Variants in CDH2 observed in about 807,000 individuals in gnomAD.
The protein encoded by CDH2 is cadherin-2.
Under a neutral mutation model 92.0 loss-of-function variants are expected in CDH2, and 17 were observed. The observed-to-expected ratio is 0.18, with a 90% CI of 0.13 to 0.28. The LOEUF (loss-of-function observed/expected upper bound fraction) is 0.28. Ranked by LOEUF, CDH2 falls within the 10% of genes least tolerant of loss-of-function variation. CDH2 has a pLI of 1.00. For synonymous variants in CDH2, 419 were observed against 415.9 expected, an observed-to-expected ratio of 1.01 and a Z score of -0.09; for missense variants, 862 against 1,133.1, an observed-to-expected ratio of 0.76 and a Z score of 3.44.
chr18:28,020,791 C>T (rs557247571), intron 2 of CDH2, among the ~76,000 whole-genome samples: 13 of 151,908 alleles, frequency 8.6e-5, no homozygotes, highest in African/African-American at 2.9e-4. Context: ...AAGAATGAAC[C>T]GTATTGCAAA....
intron 5 of CDH2, among the ~76,000 whole-genome samples, chr18:28,008,555 T>G (rs1233137768): frequency 6.6e-6 from 1 of 152,070 alleles, no homozygotes; most frequent in Non-Finnish European, 1.5e-5. Flanking sequence ...TGAGAACACT[T>G]AGACACAGGG....
intron 2 of CDH2, among the ~76,000 whole-genome samples, chr18:28,085,690 C>G (rs554214210): frequency 6.6e-6 from 1 of 152,228 alleles, no homozygotes; most frequent in South Asian, 2.1e-4. Flanking sequence ...AGTCACACAT[C>G]GGATGGAAAT....
At chr18:28,149,269 G>A (rs2016085281) in intron 1 of CDH2, among the ~76,000 whole-genome samples, 1 of 152,138 alleles carries the variant, frequency 6.6e-6, no homozygotes, top group Non-Finnish European at 1.5e-5. Flanking sequence ...CAGAGATTCT[G>A]TACATGTCCA....
chr18:27,970,682 CAA>C, intron 14 of CDH2, among the ~76,000 whole-genome samples: 1 of 152,168 alleles, frequency 6.6e-6, no homozygotes, highest in Admixed American at 6.5e-5. Flanking sequence ...AACTTTTAGA[CAA>C]AAAAGCCAAT....
At position 27,957,348 on chromosome 18, in the gene CDH2, C is replaced by A. The variant is rs182515138; in HGVS notation, c.2515-4989G>T. 1.6e-4 allele frequency among the ~76,000 whole-genome samples: 25 copies of A among 152,182 alleles called. No individual in the cohort carries two copies. The East Asian group carries it at 4.1e-3, about 25-fold the overall frequency. ...ACTGCAGCCTTGACCTTCCTGGGCTCAGGTGATCCTCCCACCTCAGCCTCC... is the reference window on the plus strand; with the variant it reads ...ACTGCAGCCTTGACCTTCCTGGGCTAAGGTGATCCTCCCACCTCAGCCTCC... On this transcript the variant is annotated intron_variant, in intron 15 of 15. Transcript: ENST00000269141.
rs79146943 is a variant in CDH2, at chr18:28,017,379, T to C, written c.173-3470A>G. On this transcript the variant is annotated intron_variant, in intron 2 of 15. Coordinates refer to ENST00000269141, the MANE Select transcript of CDH2 (RefSeq NM_001792.5). ...TCCAGGAATTTATCCGTCTCCTGTA[T>C]ATTTCATTGTTTAAGCATGTAAAGG... is the stretch of plus-strand genomic sequence containing the variant. 1.5e-3 allele frequency among the ~76,000 whole-genome samples: 233 copies of C among 152,236 alleles called. 3 individuals are homozygous for C. The highest frequency in any genetic ancestry group is 5.3e-3 in the African/African-American group (221 of 41,564).
At chr18:28,123,430 A>T (rs1469887775) in intron 2 of CDH2, among the ~76,000 whole-genome samples, 1 of 152,190 alleles carries the variant, frequency 6.6e-6, no homozygotes, top group Non-Finnish European at 1.5e-5. Flanking sequence ...TAAGTCACAG[A>T]TATTAACTGA....
intron 6 of CDH2, among the ~76,000 whole-genome samples, chr18:27,942,519 G>A (rs1379681101): frequency 5.3e-5 from 8 of 152,186 alleles, no homozygotes; most frequent in Admixed American, 4.6e-4. Context: ...ATACCAGTCT[G>A]TACCTCTGGC....
chr18:27,988,633 T>C lies in CDH2; in HGVS notation c.1632A>G (p.Leu544=). 6.2e-7 allele frequency: 1 copy of C among 1,608,238 alleles called. No individual in the cohort carries two copies. The highest frequency in any genetic ancestry group is 8.5e-7 in the Non-Finnish European group (1 of 1,174,798). The change falls in exon 11 of 16, where the codon CTA becomes CTG. Residue 544 remains leucine, a synonymous_variant. Coordinates refer to ENST00000269141, the MANE Select transcript of CDH2 (RefSeq NM_001792.5). ...TTTGTCCATTCACAGGATCTATTTTTAGCCAATTGGCAGGATCAGATAATT... is the reference window on the plus strand; with the variant it reads ...TTTGTCCATTCACAGGATCTATTTTCAGCCAATTGGCAGGATCAGATAATT... ...YTKLSDPANW[L]KIDPVNGQIT...
rs796698208 is a variant in CDH2, at chr18:27,955,380, A to G, written c.2515-3021T>C. Among the ~76,000 whole-genome samples the G allele has an allele frequency of 3.3e-3, 309 of 92,654 alleles. 3 individuals are homozygous for G. The highest frequency in any genetic ancestry group is 8.9e-3 in the African/African-American group (294 of 32,944). The allele number at this position is 92,654 out of a possible 152,430, so 60.8% of individuals were successfully genotyped here. A position where few individuals can be genotyped will look rare whatever the true frequency, so the allele number is the denominator to read the frequency against. The stretch of plus-strand genomic sequence containing the variant: ...TTAAAGTATAATAGTAAAAAAAAAA[A>G]AAAAAGAAAAAGAAAGAAAAAGAGA... On this transcript the variant is annotated intron_variant, in intron 15 of 15. Coordinates refer to ENST00000269141, the MANE Select transcript of CDH2 (RefSeq NM_001792.5).
At chr18:27,944,666 AT>A (rs1909224180) in intron 6 of CDH2, among the ~76,000 whole-genome samples, 1 of 150,146 alleles carries the variant, frequency 6.7e-6, no homozygotes, top group Non-Finnish European at 1.5e-5. Context: ...GTTGCATGTA[AT>A]CCCAGTGATT....
At chr18:27,977,917 C>G (rs2011905081) in intron 14 of CDH2, among the ~76,000 whole-genome samples, 1 of 152,154 alleles carries the variant, frequency 6.6e-6, no homozygotes, top group African/African-American at 2.4e-5. Flanking sequence ...GTCCAGAACA[C>G]AGCATGGCAC....
chr18:27,975,887 G>A (rs1567945335), intron 14 of CDH2, among the ~76,000 whole-genome samples: 2 of 152,180 alleles, frequency 1.3e-5, no homozygotes, highest in South Asian at 4.2e-4. Flanking sequence ...GGATGGGAAG[G>A]GCAGGTCGCT....
At chr18:28,162,687 G>A (rs17495286) in intron 1 of CDH2, among the ~76,000 whole-genome samples, 1 of 152,212 alleles carries the variant, frequency 6.6e-6, no homozygotes, top group African/African-American at 2.4e-5. Context: ...GCTCCCACTG[G>A]GTCCATTCTT....
intron 2 of CDH2, among the ~76,000 whole-genome samples, chr18:28,128,233 T>C (rs1264733762): frequency 6.6e-6 from 1 of 152,206 alleles, no homozygotes; most frequent in East Asian, 1.9e-4. Context: ...TACAGAATTA[T>C]GTTCTGAAAA....
intron 2 of CDH2, among the ~76,000 whole-genome samples, chr18:28,130,740 C>G (rs931161570): frequency 2.6e-5 from 4 of 152,160 alleles, no homozygotes; most frequent in Non-Finnish European, 5.9e-5. Flanking sequence ...CTTAGGGGCA[C>G]AGAGGGCTGT....
chr18:28,116,746 C>G (rs1174843667), intron 2 of CDH2, among the ~76,000 whole-genome samples: 1 of 152,130 alleles, frequency 6.6e-6, no homozygotes, highest in African/African-American at 2.4e-5. Context: ...TGCTCAAGGT[C>G]TGAGTGCCTC....
Position 28,007,680 on chromosome 18 carries a change from T to A in CDH2, c.703-1687A>T, listed in dbSNP as rs181945972. On this transcript the variant is annotated intron_variant, in intron 5 of 15. Transcript: ENST00000269141. The stretch of plus-strand genomic sequence containing the variant: ...GAATCTGAATACTGAACCTTAATAC[T>A]TTCAATTTTACAATTAATTCTGTTC... 1.1e-3 allele frequency among the ~76,000 whole-genome samples: 161 copies of A among 152,290 alleles called. 1 individual carries two copies. Among genetic ancestry groups the A allele is most frequent in the African/African-American group, 3.8e-3 (158 of 41,584 alleles).
chr18:28,146,064 T>C (rs1290966298), intron 2 of CDH2, among the ~76,000 whole-genome samples: 1 of 152,156 alleles, frequency 6.6e-6, no homozygotes, highest in African/African-American at 2.4e-5. Context: ...TATCTAATAA[T>C]GTGAAAACAA....
Sources: allele counts gnomAD v4.1 joint callset (sites outside exome capture counted in the v4.1 genomes callset), GRCh38; gene constraint gnomAD v4.1.1; transcripts MANE v1.5; gene names NCBI Gene and HGNC (gene_info 2026-07-23, HGNC 2026-07-21).